PLCG2: variants seen among roughly 807,000 people sequenced by gnomAD.
PLCG2 encodes the protein phospholipase C gamma 2.
In PLCG2, 69 loss-of-function variants were observed where a neutral mutation model predicts 175.6. The observed-to-expected ratio is 0.39, with a 90% CI of 0.32 to 0.48. The LOEUF (loss-of-function observed/expected upper bound fraction) is 0.48, where lower values mean the gene tolerates loss of function less well. PLCG2 is among the 20% of genes least tolerant of loss of function. PLCG2 has a pLI of 0.91. For synonymous variants in PLCG2, 827 were observed against 624.0 expected (o/e 1.33, Z -4.85); for missense variants, 1,798 against 1,650.9 (o/e 1.09, Z -1.54).
At chr16:81,920,205 C>A (rs1451844239) in intron 20 of PLCG2, among the ~76,000 whole-genome samples, 1 of 152,186 alleles carries the variant, frequency 6.6e-6, no homozygotes, top group Non-Finnish European at 1.5e-5. Context: ...AAGGCCCTGG[C>A]TTTTTCTCTG....
At chr16:81,782,952 C>T (rs903876330) in intron 1 of PLCG2, among the ~76,000 whole-genome samples, 1 of 152,206 alleles carries the variant, frequency 6.6e-6, no homozygotes. Flanking sequence ...CTGTGAGCAG[C>T]TATTACAAAG....
At position 81,960,345 on chromosome 16, in the gene PLCG2, G is replaced by A. The variant is rs1911736951; in HGVS notation, c.*2347G>A. 1.4e-5 allele frequency: 3 copies of A among 219,400 alleles called. No homozygotes were observed. In the East Asian group the frequency reaches 2.0e-4, roughly 15 times the overall value. The allele number at this position is 219,400 out of a possible 1,614,324, so 13.6% of individuals were successfully genotyped here. A position where few individuals can be genotyped will look rare whatever the true frequency, so the allele number is the denominator to read the frequency against. On this transcript the variant is annotated 3_prime_UTR_variant, in exon 33 of 33. Transcript: ENST00000564138. The stretch of plus-strand genomic sequence containing the variant: ...GACTGTTAAAGCACAGCCAATCCAG[G>A]CCAAGAAGACTAGTAACAGGCACAT...
intron 7 of PLCG2, among the ~76,000 whole-genome samples, chr16:81,877,477 C>A (rs1030125926): frequency 2.0e-5 from 3 of 152,134 alleles, no homozygotes; most frequent in African/African-American, 7.2e-5. Context: ...CAACAAAACA[C>A]AGAAGTTTAT....
chr16:81,770,804 A>T (rs773854565), intron 2 of PLCG2, among the ~76,000 whole-genome samples: 8 of 152,178 alleles, frequency 5.3e-5, no homozygotes, highest in Non-Finnish European at 1.2e-4. Flanking sequence ...CACGCCTGTT[A>T]TCCCAGCACT....
chr16:81,741,612 C>G (rs1436742168), intron 1 of PLCG2, among the ~76,000 whole-genome samples: 1 of 152,128 alleles, frequency 6.6e-6, no homozygotes, highest in East Asian at 1.9e-4. Context: ...GAGTTCAAGA[C>G]CAGCCTGGCC....
chr16:81,799,568 G>C (rs1911627523), intron 2 of PLCG2, among the ~76,000 whole-genome samples: 1 of 151,528 alleles, frequency 6.6e-6, no homozygotes, highest in Non-Finnish European at 1.5e-5. Flanking sequence ...GGGATTACAG[G>C]TGCAAGCCAC....
chr16:81,803,022 C>T (rs949884120), intron 2 of PLCG2, among the ~76,000 whole-genome samples: 5 of 152,092 alleles, frequency 3.3e-5, no homozygotes, highest in Non-Finnish European at 7.3e-5. Context: ...CTTTACTTTC[C>T]CCCATCCCTG....
At chr16:81,901,149 G>A (rs145402250) in intron 14 of PLCG2, among the ~76,000 whole-genome samples, 11 of 152,274 alleles carry the variant, frequency 7.2e-5, no homozygotes, top group Admixed American at 3.9e-4. Flanking sequence ...ATCCTCTCTC[G>A]GAGACAGCCC....
chr16:81,935,999 A>G (rs1910694660), intron 26 of PLCG2, 170 bp from the exon 27 acceptor site: 1 of 985,256 alleles, frequency 1.0e-6, no homozygotes. Context: ...CCAGAGGGCA[A>G]GAGTCCACAG....
chr16:81,907,036 C>CAAA (rs56697259), intron 15 of PLCG2, among the ~76,000 whole-genome samples: 6 of 96,728 alleles, frequency 6.2e-5, no homozygotes, highest in African/African-American at 8.2e-5. Flanking sequence ...GACTCTGTCT[C>CAAA]AAAAAAAAAA....
chr16:81,852,997 C>T (rs1282018969), intron 2 of PLCG2, among the ~76,000 whole-genome samples: 2 of 152,134 alleles, frequency 1.3e-5, no homozygotes, highest in African/African-American at 4.8e-5. Flanking sequence ...AGGCTGGCTT[C>T]CCCCAGAGCA....
intron 2 of PLCG2, among the ~76,000 whole-genome samples, chr16:81,805,783 G>GTTTTTTTTTTTTTTTTT (rs35014411): frequency 1.9e-4 from 16 of 82,928 alleles, no homozygotes; most frequent in African/African-American, 6.1e-4. Flanking sequence ...TTTTTTTTTT[G>GTTTTTTTTTTTTTTTTT]TTTTTTTTTT....
intron 2 of PLCG2, among the ~76,000 whole-genome samples, chr16:81,806,587 A>G (rs1336541074): frequency 6.6e-6 from 1 of 152,088 alleles, no homozygotes; most frequent in East Asian, 1.9e-4. Context: ...AGTCTGCACC[A>G]TTACATGATC....
intron 1 of PLCG2, chr16:81,740,261 A>G (rs1020226942): frequency 6.6e-6 from 1 of 152,294 alleles, no homozygotes; most frequent in Admixed American, 6.5e-5. Context: ...CTTCCTTAGG[A>G]AGCTGGTTCA....
chr16:81,775,093 A>G (rs1910370064), upstream of PLCG2, among the ~76,000 whole-genome samples: 3 of 152,126 alleles, frequency 2.0e-5, no homozygotes, highest in Non-Finnish European at 4.4e-5. Flanking sequence ...TTCACATCCC[A>G]TGCAACTCAT....
chr16:81,778,057 A>C (rs1177949603), upstream of PLCG2, among the ~76,000 whole-genome samples: 1 of 108,760 alleles, frequency 9.2e-6, no homozygotes, highest in African/African-American at 4.4e-5. Context: ...AAAAAAAACA[A>C]AAAAAACCAA....
chr16:81,894,737 G>A (rs1346944278), intron 12 of PLCG2, among the ~76,000 whole-genome samples: 1 of 152,234 alleles, frequency 6.6e-6, no homozygotes, highest in South Asian at 2.1e-4. Flanking sequence ...GCCAGGCGTG[G>A]TGGTGCACAT....
At chr16:81,866,751 C>G (rs1255713722) in intron 5 of PLCG2, among the ~76,000 whole-genome samples, 1 of 152,050 alleles carries the variant, frequency 6.6e-6, no homozygotes, top group Non-Finnish European at 1.5e-5. Context: ...CTCTCCCTTG[C>G]TCCCAGGATG....
At chr16:81,940,707 A>G (rs1474355827) in intron 30 of PLCG2, among the ~76,000 whole-genome samples, 1 of 145,046 alleles carries the variant, frequency 6.9e-6, no homozygotes, top group Non-Finnish European at 1.5e-5. Context: ...AGCCCTTCCT[A>G]CACAGCTGAG....
Sources: allele counts gnomAD v4.1 joint callset (sites outside exome capture counted in the v4.1 genomes callset), GRCh38; gene constraint gnomAD v4.1.1; transcripts MANE v1.5; gene names NCBI Gene and HGNC (gene_info 2026-07-23, HGNC 2026-07-21).